Variants in GOLGA7B observed in about 807,000 individuals in gnomAD.
GOLGA7B encodes golgin A7 family member B.
A neutral mutation model predicts 21.5 loss-of-function variants in GOLGA7B; 17 were observed. That is an observed-to-expected ratio of 0.79 (90% CI 0.54 to 1.19). The LOEUF (loss-of-function observed/expected upper bound fraction) is 1.19. Ranked by LOEUF, GOLGA7B falls within the 50% of genes most tolerant of loss-of-function variation. The pLI is 0.00. For synonymous variants in GOLGA7B, 87 were observed against 84.0 expected (o/e 1.04, Z -0.19); for missense variants, 169 against 224.4 (o/e 0.75, Z 1.58).
rs2049893936 is a variant in GOLGA7B, at chr10:97,849,971, C to T, written c.-333C>T. On this transcript the variant is annotated 5_prime_UTR_variant, in exon 1 of 5. Coordinates refer to ENST00000370602, the MANE Select transcript of GOLGA7B (RefSeq NM_001010917.3). ...CTCCTCCCCCGGCCGCCCCCATCCC[C>T]GCCGCCGCCGCCGCCAAAGCTAAAC... Among the ~76,000 whole-genome samples, 2 of 150,818 alleles carry T rather than the reference C, an allele frequency of 1.3e-5. No individual in the cohort carries two copies. Among genetic ancestry groups the T allele is most frequent in the African/African-American group, 2.4e-5 (1 of 41,302 alleles).
At chr10:97,859,355 T>C in intron 1 of GOLGA7B, 103 bp from the exon 2 acceptor site, 1 of 1,186,570 alleles carries the variant, frequency 8.4e-7, no homozygotes, top group African/African-American at 1.5e-5. Context: ...GGAACTTTCC[T>C]GGTGTTAGTG....
intron 1 of GOLGA7B, among the ~76,000 whole-genome samples, chr10:97,855,400 A>G (rs998908816): frequency 1.3e-5 from 2 of 152,258 alleles, no homozygotes; most frequent in African/African-American, 4.8e-5. Context: ...TATAGTAACC[A>G]AAACAGCAGG....
In GOLGA7B at chr10:97,864,014, C is replaced by T. The variant is rs773598891; in HGVS notation, c.223C>T (p.Leu75Phe). ...EAEKIGGSSY[L>F]EGCLACATAY... ...TGAGAAGATTGGGGGCAGCTCCTAC[C>T]TCGAGGGCTGCCTGGCCTGCGCCAC... is the stretch of plus-strand genomic sequence containing the variant. The change falls in exon 3 of 5, where the codon CTC becomes TTC. Residue 75 changes from leucine (L) to phenylalanine (F), a missense_variant. Leu to Phe is a conservative substitution (Grantham distance 22, BLOSUM62 0). Transcript: ENST00000370602. 1 of 1,614,148 alleles carries T rather than the reference C, an allele frequency of 6.2e-7. No homozygotes were observed. The highest frequency in any genetic ancestry group is 1.1e-5 in the South Asian group (1 of 91,080).
rs138003876 is a variant in GOLGA7B, at chr10:97,850,531, C to T, written c.12+216C>T. On this transcript the variant is annotated intron_variant, in intron 1 of 4. Coordinates refer to ENST00000370602, the MANE Select transcript of GOLGA7B (RefSeq NM_001010917.3). The stretch of plus-strand genomic sequence containing the variant: ...GCCCCACCTGAGCCCCCAAGCTGTC[C>T]GCGACACTTGTTGGCATTAGCGCCA... Among the ~76,000 whole-genome samples the T allele has an allele frequency of 5.8e-4, 88 of 152,288 alleles. 1 individual carries two copies. The East Asian group carries it at 0.015, about 25-fold the overall frequency.
At chr10:97,851,977 A>G (rs1590157712) in intron 1 of GOLGA7B, among the ~76,000 whole-genome samples, 2 of 152,360 alleles carry the variant, frequency 1.3e-5, no homozygotes, top group African/African-American at 4.8e-5. Context: ...TTCAAGCCTC[A>G]GAGCAGCCCT....
intron 2 of GOLGA7B, among the ~76,000 whole-genome samples, chr10:97,862,808 G>C (rs2049978997): frequency 6.6e-6 from 1 of 152,180 alleles, no homozygotes; most frequent in Non-Finnish European, 1.5e-5. Flanking sequence ...CTGGGGAGAG[G>C]TGAATGATCC....
chr10:97,864,276 T>C lies in GOLGA7B; in HGVS notation c.393+7T>C. 6.2e-7 allele frequency: 1 copy of C among 1,608,928 alleles called. No individual in the cohort carries two copies. Among genetic ancestry groups the C allele is most frequent in the Non-Finnish European group, 8.5e-7 (1 of 1,175,226 alleles). On this transcript the variant is annotated splice_region_variant and intron_variant, in intron 4 of 4. Transcript: ENST00000370602. ...GGAGCGTGGGATGAGGGTTGTATCC[T>C]TCTGGGCTATTCTGTGTTGAGGGCA...
At position 97,862,784 on chromosome 10, in the gene GOLGA7B, G is replaced by A. The variant is rs569555627; in HGVS notation, c.139-1146G>A. ...TAGAAGAATAAGGGGAGGATGTCAC[G>A]GGGGTTGGGTGTGCTGGGGAGAGGT... is the stretch of plus-strand genomic sequence containing the variant. On this transcript the variant is annotated intron_variant, in intron 2 of 4. Coordinates refer to ENST00000370602, the MANE Select transcript of GOLGA7B (RefSeq NM_001010917.3). 2.6e-5 allele frequency among the ~76,000 whole-genome samples: 4 copies of A among 152,248 alleles called. No homozygotes were observed. The East Asian group carries it at 5.8e-4, about 22-fold the overall frequency.
chr10:97,858,754 G>T (rs968884233), intron 1 of GOLGA7B, among the ~76,000 whole-genome samples: 2 of 152,060 alleles, frequency 1.3e-5, no homozygotes, highest in African/African-American at 4.8e-5. Context: ...GATGTGAAAA[G>T]CATCTGGGGT....
In GOLGA7B at chr10:97,867,575, A is replaced by ATGCG. The variant is rs758382833; in HGVS notation, c.*1875_*1876insTGCG. On this transcript the variant is annotated 3_prime_UTR_variant, in exon 5 of 5. Transcript: ENST00000370602. ...TCCAAGGATCCCCCTGGAGAGCCGC[A>ATGCG]GTTCAGTGGGCTCCACCGCAGCCCC... 3.3e-5 allele frequency: 5 copies of ATGCG among 152,254 alleles called. No individual in the cohort carries two copies. The highest frequency in any genetic ancestry group is 6.5e-5 in the Admixed American group (1 of 15,268). The allele number at this position is 152,254 out of a possible 1,614,324, so 9.4% of individuals were successfully genotyped here.
Position 97,850,052 on chromosome 10 carries a change from G to A in GOLGA7B, c.-252G>A. Among the ~76,000 whole-genome samples the A allele has an allele frequency of 6.7e-6, 1 of 149,582 alleles. No homozygotes were observed. Among genetic ancestry groups the A allele is most frequent in the East Asian group, 2.0e-4 (1 of 5,116 alleles). ...GGGCGATCGGGCCGTGAGGAGCCTCGGGCGCGGCCTCGCCTCCCGGGCCCG... is the reference window on the plus strand; with the variant it reads ...GGGCGATCGGGCCGTGAGGAGCCTCAGGCGCGGCCTCGCCTCCCGGGCCCG... On this transcript the variant is annotated 5_prime_UTR_variant, in exon 1 of 5. Transcript: ENST00000370602.
In GOLGA7B at chr10:97,863,896, G is replaced by T. The variant is rs759189597; in HGVS notation, c.139-34G>T. 3.8e-6 allele frequency: 6 copies of T among 1,588,560 alleles called. No individual in the cohort carries two copies. In the South Asian group the frequency reaches 5.8e-5, roughly 15 times the overall value. On this transcript the variant is annotated intron_variant, in intron 2 of 4. Coordinates refer to ENST00000370602, the MANE Select transcript of GOLGA7B (RefSeq NM_001010917.3). ...CTGTGACTGTGCACACTCCAGGGAG[G>T]CTAACCGCAGCCTGGCTCTGTCCCT...
chr10:97,862,733 T>C (rs189146551), intron 2 of GOLGA7B, among the ~76,000 whole-genome samples: 1 of 152,146 alleles, frequency 6.6e-6, no homozygotes, highest in African/African-American at 2.4e-5. Context: ...ACTGTAAATA[T>C]ACCTCACTCA....
chr10:97,854,549 C>T (rs982752487), intron 1 of GOLGA7B, among the ~76,000 whole-genome samples: 6 of 152,172 alleles, frequency 3.9e-5, no homozygotes, highest in Non-Finnish European at 8.8e-5. Flanking sequence ...CTGATATCAT[C>T]CTTTAGCAAC....
chr10:97,850,624 C>T (rs2049899415), intron 1 of GOLGA7B, among the ~76,000 whole-genome samples: 1 of 152,146 alleles, frequency 6.6e-6, no homozygotes, highest in South Asian at 2.1e-4. Flanking sequence ...AAACCGCTTT[C>T]CTAGAGGGTT....
chr10:97,861,473 G>C (rs2049970851), intron 2 of GOLGA7B, among the ~76,000 whole-genome samples: 1 of 152,220 alleles, frequency 6.6e-6, no homozygotes, highest in South Asian at 2.1e-4. Flanking sequence ...CAGTCTGCTG[G>C]GTGGCATAAA....
In GOLGA7B at chr10:97,869,059, G is replaced by C. The variant is rs547653879; in HGVS notation, c.*3359G>C. ...TCTTGGCTTTGAATCTAGGCAATCTGACTCCAAACTGCAAGGAAGAAGACA... is the reference window on the plus strand; with the variant it reads ...TCTTGGCTTTGAATCTAGGCAATCTCACTCCAAACTGCAAGGAAGAAGACA... On this transcript the variant is annotated 3_prime_UTR_variant, in exon 5 of 5. Transcript: ENST00000370602. 6.6e-6 allele frequency: 1 copy of C among 152,262 alleles called. No homozygotes were observed. The highest frequency in any genetic ancestry group is 2.4e-5 in the African/African-American group (1 of 41,470). 9.4% of individuals were successfully genotyped at this position (152,262 alleles called of 1,614,324 possible). A position where few individuals can be genotyped will look rare whatever the true frequency, so the allele number is the denominator to read the frequency against.
intron 4 of GOLGA7B, among the ~76,000 whole-genome samples, chr10:97,864,529 G>A (rs1001392314): frequency 6.6e-6 from 1 of 152,124 alleles, no homozygotes; most frequent in Admixed American, 6.5e-5. Flanking sequence ...TTGAAAATAC[G>A]AATTCATGTA....
At position 97,866,519 on chromosome 10, in the gene GOLGA7B, A is replaced by G. The variant is rs1156458962; in HGVS notation, c.*819A>G. The G allele has an allele frequency of 6.6e-6, 1 of 152,246 alleles. No homozygotes were observed. Among genetic ancestry groups the G allele is most frequent in the African/African-American group, 2.4e-5 (1 of 41,454 alleles). 9.4% of individuals were successfully genotyped at this position (152,246 alleles called of 1,614,324 possible). ...GAGATTAGAACCTGTGTGTATGCAC[A>G]TGTGAATGTATGTGTGAGTGCACAT... On this transcript the variant is annotated 3_prime_UTR_variant, in exon 5 of 5. Coordinates refer to ENST00000370602, the MANE Select transcript of GOLGA7B (RefSeq NM_001010917.3).
Sources: gnomAD v4.1 joint callset for allele counts (sites outside exome capture counted in the v4.1 genomes callset) on GRCh38, gnomAD v4.1.1 for gene constraint, MANE v1.5 for transcripts, NCBI Gene and HGNC (gene_info 2026-07-23, HGNC 2026-07-21) for gene names.